SLC8A1: variants seen among roughly 807,000 people sequenced by gnomAD.
SLC8A1 encodes the protein sodium/calcium exchanger 1.
SLC8A1 carries 18 observed loss-of-function variants against 68.3 expected under a neutral mutation model. The observed-to-expected ratio is 0.26, with a 90% CI of 0.18 to 0.39. The LOEUF (loss-of-function observed/expected upper bound fraction) is 0.39, where lower values mean the gene tolerates loss of function less well. SLC8A1 is among the 10% of genes least tolerant of loss of function. SLC8A1 has a pLI of 1.00. For missense variants in SLC8A1, 985 were observed against 1,156.7 expected (o/e 0.85, Z 2.15); for synonymous variants, 475 against 415.5 (o/e 1.14, Z -1.74).
chr2:40,262,418 A>G (rs1470834825), intron 2 of SLC8A1, among the ~76,000 whole-genome samples: 1 of 152,220 alleles, frequency 6.6e-6, no homozygotes, highest in Non-Finnish European at 1.5e-5. Context: ...AACTAAACCC[A>G]GTGGTGGACT....
At chr2:40,450,997 A>G (rs1438720331) in intron 1 of SLC8A1, among the ~76,000 whole-genome samples, 1 of 152,044 alleles carries the variant, frequency 6.6e-6, no homozygotes, top group African/African-American at 2.4e-5. Context: ...GGCGGGGGTG[A>G]TGCAGGGGGT....
In SLC8A1 at chr2:40,256,725, A is replaced by G. The variant is rs543909052; in HGVS notation, c.1809-78870T>C. ...TGTCTTTAGAGAAGGCTGTAGGCCTATCACCAGATTTTGAGCTGGGCTTTC... is the reference window on the plus strand; with the variant it reads ...TGTCTTTAGAGAAGGCTGTAGGCCTGTCACCAGATTTTGAGCTGGGCTTTC... On this transcript the variant is annotated intron_variant, in intron 2 of 7. Transcript: ENST00000406785. Among the ~76,000 whole-genome samples the G allele has an allele frequency of 2.0e-5, 3 of 152,326 alleles. No homozygotes were observed. In the East Asian group the frequency reaches 5.8e-4, roughly 29 times the overall value.
At chr2:40,441,360 CCAT>C (rs1280958297) in intron 1 of SLC8A1, among the ~76,000 whole-genome samples, 1 of 151,144 alleles carries the variant, frequency 6.6e-6, no homozygotes, top group Admixed American at 6.6e-5. Context: ...AATGCTATTC[CCAT>C]CAAACTACCA....
Position 40,239,923 on chromosome 2 carries a change from A to G in SLC8A1, c.1809-62068T>C, listed in dbSNP as rs538534966. 5.3e-5 allele frequency among the ~76,000 whole-genome samples: 8 copies of G among 152,354 alleles called. No homozygotes were observed. The South Asian group carries it at 1.2e-3, about 24-fold the overall frequency. ...GAAACCGAACGAATATCTTAATGTA[A>G]GAAGAGTAGTTTTCTCAATTTGTAA... On this transcript the variant is annotated intron_variant, in intron 2 of 7. Transcript: ENST00000406785.
intron 1 of SLC8A1, among the ~76,000 whole-genome samples, chr2:40,506,751 A>G (rs1576685810): frequency 6.6e-6 from 1 of 151,920 alleles, no homozygotes; most frequent in Non-Finnish European, 1.5e-5. Context: ...TATCTTTTTA[A>G]GCAAAAGAAT....
At chr2:40,466,468 G>A (rs1214048147) in intron 1 of SLC8A1, among the ~76,000 whole-genome samples, 1 of 152,130 alleles carries the variant, frequency 6.6e-6, no homozygotes, top group Non-Finnish European at 1.5e-5. Flanking sequence ...ATGGTCAGCT[G>A]CCTGCCATAA....
chr2:40,492,431 C>T lies in SLC8A1; in HGVS notation c.-25+19918G>A, dbSNP rs181385016. On this transcript the variant is annotated intron_variant, in intron 1 of 7. Transcript: ENST00000402441. ...GGCATTACCATTCAGGACATAGGCACGGGCAAGAACTTCATGTCAAAAACA... is the reference window on the plus strand; with the variant it reads ...GGCATTACCATTCAGGACATAGGCATGGGCAAGAACTTCATGTCAAAAACA... Among the ~76,000 whole-genome samples the T allele has an allele frequency of 4.0e-3, 604 of 152,082 alleles. 5 individuals carry two copies. The highest frequency in any genetic ancestry group is 0.013 in the African/African-American group (555 of 41,454).
intron 2 of SLC8A1, among the ~76,000 whole-genome samples, chr2:40,328,375 C>T (rs2076065563): frequency 6.6e-6 from 1 of 152,148 alleles, no homozygotes; most frequent in African/African-American, 2.4e-5. Flanking sequence ...TTTATCTCCT[C>T]TGCCTCTAAT....
intron 2 of SLC8A1, among the ~76,000 whole-genome samples, chr2:40,296,698 GT>G (rs1254754765): frequency 6.6e-6 from 1 of 152,080 alleles, no homozygotes; most frequent in Admixed American, 6.6e-5. Context: ...TATATTTTAT[GT>G]TTACTCTTGT....
chr2:40,108,573 C>G (rs1342484304), exon 8 of SLC8A1: 2 of 152,088 alleles, frequency 1.3e-5, no homozygotes, highest in Non-Finnish European at 2.9e-5. Context: ...AGATTTCTTC[C>G]TTGGAGTATT....
At chr2:40,352,542 T>C (rs1575620447) in intron 2 of SLC8A1, among the ~76,000 whole-genome samples, 1 of 152,186 alleles carries the variant, frequency 6.6e-6, no homozygotes, top group African/African-American at 2.4e-5. Flanking sequence ...AAATTTAATT[T>C]CCTAGAGATT....
chr2:40,358,605 T>G (rs1238351107), intron 2 of SLC8A1, among the ~76,000 whole-genome samples: 1 of 152,200 alleles, frequency 6.6e-6, no homozygotes, highest in Non-Finnish European at 1.5e-5. Context: ...AATTAATGCA[T>G]GCATAACCAT....
intron 2 of SLC8A1, among the ~76,000 whole-genome samples, chr2:40,257,870 G>T (rs1266833973): frequency 6.6e-6 from 1 of 152,150 alleles, no homozygotes; most frequent in East Asian, 1.9e-4. Context: ...ATGGACACAG[G>T]ACTGCAAGAT....
chr2:40,503,521 C>A (rs922965319), intron 1 of SLC8A1, among the ~76,000 whole-genome samples: 9 of 151,884 alleles, frequency 5.9e-5, no homozygotes, highest in Non-Finnish European at 1.0e-4. Flanking sequence ...TCAAACTGTC[C>A]TTGTTTGCCG....
intron 1 of SLC8A1, among the ~76,000 whole-genome samples, chr2:40,465,751 G>A (rs1703634255): frequency 6.6e-6 from 1 of 152,082 alleles, no homozygotes; most frequent in Non-Finnish European, 1.5e-5. Flanking sequence ...GAGTACTATG[G>A]TCTGAATGTG....
chr2:40,439,059 C>G (rs976988816), intron 1 of SLC8A1, among the ~76,000 whole-genome samples: 1 of 151,934 alleles, frequency 6.6e-6, no homozygotes, highest in African/African-American at 2.4e-5. Context: ...CAGGCAGGAT[C>G]AAAATATGAA....
intron 2 of SLC8A1, among the ~76,000 whole-genome samples, chr2:40,280,316 C>A (rs192137466): frequency 4.1e-5 from 6 of 147,318 alleles, no homozygotes; most frequent in African/African-American, 1.0e-4. Flanking sequence ...TTAATTTTAC[C>A]ATTCTGTCAC....
At chr2:40,139,546 G>A (rs2041166274) in exon 7 of SLC8A1, 1 of 1,614,194 alleles carries the variant, frequency 6.2e-7, no homozygotes, top group Non-Finnish European at 8.5e-7. Context: ...AACACGCCCA[G>A]CCATTCCAGT....
intron 2 of SLC8A1, among the ~76,000 whole-genome samples, chr2:40,373,481 A>T (rs1444954062): frequency 1.3e-5 from 2 of 152,002 alleles, no homozygotes; most frequent in African/African-American, 2.4e-5. Flanking sequence ...CCCTAAAATG[A>T]CCCCAAGACT....
Sources: gnomAD v4.1 joint callset for allele counts (sites outside exome capture counted in the v4.1 genomes callset) on GRCh38, gnomAD v4.1.1 for gene constraint, MANE v1.5 for transcripts, NCBI Gene and HGNC (gene_info 2026-07-23, HGNC 2026-07-21) for gene names.